NTM: variants seen among roughly 807,000 people sequenced by gnomAD.
NTM encodes IgLON family member 2.
A neutral mutation model predicts 42.1 loss-of-function variants in NTM; 13 were observed. That is an observed-to-expected ratio of 0.31 (90% CI 0.20 to 0.49). The LOEUF is 0.49. Among genes scored for constraint, NTM ranks in the 20% least tolerant of loss-of-function variants. NTM has a pLI of 0.99. For missense variants in NTM, 373 were observed against 452.8 expected, an observed-to-expected ratio of 0.82 and a Z score of 1.60; for synonymous variants, 187 against 179.2, an observed-to-expected ratio of 1.04 and a Z score of -0.35.
chr11:131,588,255 G>T (rs1214168554), intron 1 of NTM, among the ~76,000 whole-genome samples: 1 of 152,234 alleles, frequency 6.6e-6, no homozygotes, highest in African/African-American at 2.4e-5. Flanking sequence ...TCTGCACAGG[G>T]CTTCCTCACA....
At chr11:132,020,097 A>T (rs11222867) in intron 2 of NTM, among the ~76,000 whole-genome samples, 80,066 of 151,872 alleles carry the variant, frequency 0.53, 21,493 homozygotes, top group East Asian at 0.82. Context: ...TTTGATTTTC[A>T]GTTTTTGTGT....
chr11:132,241,207 C>T (rs1193814728), intron 4 of NTM, among the ~76,000 whole-genome samples: 1 of 152,172 alleles, frequency 6.6e-6, no homozygotes, highest in African/African-American at 2.4e-5. Flanking sequence ...AAGCATTTCA[C>T]ATAAGGGATA....
At chr11:131,937,868 A>G (rs937068648) in intron 2 of NTM, among the ~76,000 whole-genome samples, 3 of 152,188 alleles carry the variant, frequency 2.0e-5, no homozygotes, top group African/African-American at 7.2e-5. Context: ...GGGCGGGTAA[A>G]AAATGAGATT....
intron 2 of NTM, among the ~76,000 whole-genome samples, chr11:132,125,685 G>C (rs867004231): frequency 2.9e-3 from 1 of 340 alleles, no homozygotes; most frequent in Non-Finnish European, 6.9e-3. Context: ...GTGCGTAGTG[G>C]GGTATGTGGT....
intron 1 of NTM, chr11:131,909,727 T>G (rs2054413054): frequency 6.6e-6 from 1 of 152,080 alleles, no homozygotes; most frequent in Non-Finnish European, 1.5e-5. Context: ...AAGGGAGAAA[T>G]AATAATACAG....
chr11:131,556,864 C>A (rs1346414875), intron 1 of NTM, among the ~76,000 whole-genome samples: 1 of 152,124 alleles, frequency 6.6e-6, no homozygotes, highest in Non-Finnish European at 1.5e-5. Context: ...CCGCACCCAG[C>A]CTTGGGAATT....
chr11:132,227,058 G>T (rs2086459746), intron 4 of NTM, among the ~76,000 whole-genome samples: 1 of 152,198 alleles, frequency 6.6e-6, no homozygotes, highest in African/African-American at 2.4e-5. Flanking sequence ...TAACCATACA[G>T]GTGGTGTTTA....
chr11:132,273,447 T>A (rs751796793), intron 4 of NTM, among the ~76,000 whole-genome samples: 9 of 151,848 alleles, frequency 5.9e-5, no homozygotes, highest in Admixed American at 5.2e-4. Context: ...TACAATGGGT[T>A]GAGACGTATC....
chr11:131,660,381 G>T (rs1028505091), intron 1 of NTM: 15 of 432,694 alleles, frequency 3.5e-5, no homozygotes, highest in Non-Finnish European at 6.6e-5. Context: ...GAGGGCGGAG[G>T]GGGTGAGGGT....
intron 1 of NTM, among the ~76,000 whole-genome samples, chr11:131,593,375 C>A (rs530239077): frequency 6.6e-6 from 1 of 152,308 alleles, no homozygotes; most frequent in South Asian, 2.1e-4. Flanking sequence ...AGGTGGGGTA[C>A]GAGCATCTTC....
rs55802041 is a variant in NTM at position 131,670,484 on chromosome 11, G to A, written c.83-241080G>A. 6.6e-3 allele frequency among the ~76,000 whole-genome samples: 997 copies of A among 151,492 alleles called. 14 individuals carry two copies. Among genetic ancestry groups the A allele is most frequent in the African/African-American group, 0.023 (942 of 41,226 alleles). The stretch of plus-strand genomic sequence containing the variant: ...GTAGTATTCTGTGGCTGTCTGTTTC[G>A]TTCCCATTTCTGAGTGCTGTGGCAA... On this transcript the variant is annotated intron_variant, in intron 1 of 8. Transcript: ENST00000683400.
rs115510356 is a variant in NTM, at chr11:131,667,593, A to C, written c.83-243971A>C. 3.5e-3 allele frequency among the ~76,000 whole-genome samples: 534 copies of C among 152,264 alleles called. 1 individual carries two copies. The highest frequency in any genetic ancestry group is 0.012 in the African/African-American group (513 of 41,566). On this transcript the variant is annotated intron_variant, in intron 1 of 8. Transcript: ENST00000683400. The stretch of plus-strand genomic sequence containing the variant: ...CAGAACCTGGAACCATGTGAGTACT[A>C]ATCCTGGTCATGGAGGGACCCAGAG...
At chr11:131,596,172 C>T (rs2059795747) in intron 1 of NTM, among the ~76,000 whole-genome samples, 1 of 152,226 alleles carries the variant, frequency 6.6e-6, no homozygotes, top group South Asian at 2.1e-4. Flanking sequence ...GTTGACCTGA[C>T]TTTTCATTCC....
intron 1 of NTM, among the ~76,000 whole-genome samples, chr11:131,670,063 G>A (rs2134618358): frequency 6.6e-6 from 1 of 152,228 alleles, no homozygotes; most frequent in Non-Finnish European, 1.5e-5. Context: ...GGTAATGAGA[G>A]AAGAAAAAAC....
At chr11:132,104,401 T>C (rs2062007905) in intron 2 of NTM, among the ~76,000 whole-genome samples, 1 of 152,096 alleles carries the variant, frequency 6.6e-6, no homozygotes, top group Non-Finnish European at 1.5e-5. Flanking sequence ...TGTATTTTTT[T>C]CGTAAAGTTT....
chr11:131,748,662 T>G (rs1340628463), intron 1 of NTM, among the ~76,000 whole-genome samples: 1 of 152,228 alleles, frequency 6.6e-6, no homozygotes, highest in Non-Finnish European at 1.5e-5. Flanking sequence ...CACACATCGG[T>G]TCAAATGACC....
chr11:131,847,945 A>G (rs2045107397), intron 1 of NTM, among the ~76,000 whole-genome samples: 1 of 152,160 alleles, frequency 6.6e-6, no homozygotes, highest in South Asian at 2.1e-4. Flanking sequence ...TTCTGTTTGT[A>G]TGTCTCATTG....
At chr11:131,692,278 C>A (rs1364707836) in intron 1 of NTM, among the ~76,000 whole-genome samples, 1 of 152,226 alleles carries the variant, frequency 6.6e-6, no homozygotes, top group East Asian at 1.9e-4. Flanking sequence ...ATGCAGATCT[C>A]TGAGTGATGC....
chr11:131,647,259 A>G (rs1423779103), intron 1 of NTM, among the ~76,000 whole-genome samples: 3 of 152,244 alleles, frequency 2.0e-5, no homozygotes, highest in Admixed American at 2.0e-4. Context: ...GAGCAAAGAA[A>G]GAAATTCAGG....
Sources: allele counts gnomAD v4.1 joint callset (sites outside exome capture counted in the v4.1 genomes callset), GRCh38; gene constraint gnomAD v4.1.1; transcripts MANE v1.5; gene names NCBI Gene and HGNC (gene_info 2026-07-23, HGNC 2026-07-21).